Variants in KLF12 observed in about 807,000 individuals in gnomAD.
KLF12 encodes KLF transcription factor 12.
A neutral mutation model predicts 37.8 loss-of-function variants in KLF12; 9 were observed. That is an observed-to-expected ratio of 0.24 (90% CI 0.14 to 0.42). KLF12 has a LOEUF of 0.42. Among genes scored for constraint, KLF12 ranks in the 10% least tolerant of loss-of-function variants. The pLI is 1.00. For missense variants in KLF12, 411 were observed against 516.0 expected (o/e 0.80, Z 1.97); for synonymous variants, 208 against 202.1 (o/e 1.03, Z -0.25).
At chr13:74,005,108 T>A (rs1421869897) in intron 1 of KLF12, among the ~76,000 whole-genome samples, 2 of 152,218 alleles carry the variant, frequency 1.3e-5, no homozygotes, top group African/African-American at 2.4e-5. Context: ...AAAAGTAATT[T>A]ATGCATAGTT....
intron 6 of KLF12, among the ~76,000 whole-genome samples, chr13:73,751,489 A>C (rs1283023388): frequency 6.6e-6 from 1 of 152,160 alleles, no homozygotes; most frequent in Non-Finnish European, 1.5e-5. Flanking sequence ...TGTTTCAGGC[A>C]AGAGATGATG....
chr13:73,846,143 C>G lies in KLF12; in HGVS notation c.354G>C (p.Ser118=). The G allele has an allele frequency of 6.2e-7, 1 of 1,614,000 alleles. No homozygotes were observed. Among genetic ancestry groups the G allele is most frequent in the East Asian group, 2.2e-5 (1 of 44,870 alleles). The change falls in exon 4 of 8, where the codon TCG becomes TCC. Residue 118 remains serine, a synonymous_variant. Transcript: ENST00000377669. ...GGGATGAGGCTAGACGACTAGAAGA[C>G]GATGAAGAGGTTGAAGTTGAAGAAG... is the stretch of plus-strand genomic sequence containing the variant.
At chr13:74,091,231 A>C (rs1053827818) in intron 1 of KLF12, among the ~76,000 whole-genome samples, 2 of 152,216 alleles carry the variant, frequency 1.3e-5, no homozygotes, top group African/African-American at 4.8e-5. Context: ...TTAAAAATGG[A>C]TCAAAGAACA....
the KLF12 span, among the ~76,000 whole-genome samples, chr13:74,275,838 C>A: frequency 4.4e-5 from 5 of 114,058 alleles, no homozygotes; most frequent in South Asian, 1.5e-3. Flanking sequence ...TTCTTTCTTT[C>A]TTTCTTTCTT....
intron 1 of KLF12, among the ~76,000 whole-genome samples, chr13:74,027,941 A>G (rs914191204): frequency 3.3e-5 from 5 of 152,204 alleles, no homozygotes; most frequent in Non-Finnish European, 1.5e-5. Context: ...AATCCAAAAC[A>G]GTATGTCAAC....
chr13:74,013,043 T>C (rs1042997691), intron 1 of KLF12, among the ~76,000 whole-genome samples: 3 of 152,248 alleles, frequency 2.0e-5, no homozygotes, highest in African/African-American at 7.2e-5. Flanking sequence ...TAGATTTCTT[T>C]CTTCTATGTC....
At chr13:73,901,377 G>C (rs1213713353) in intron 3 of KLF12, among the ~76,000 whole-genome samples, 1 of 152,186 alleles carries the variant, frequency 6.6e-6, no homozygotes, top group Non-Finnish European at 1.5e-5. Flanking sequence ...TTAGAACACA[G>C]ATGTCTGGAG....
chr13:73,732,132 G>T (rs1877108739), intron 6 of KLF12, among the ~76,000 whole-genome samples: 1 of 147,014 alleles, frequency 6.8e-6, no homozygotes, highest in South Asian at 2.2e-4. Context: ...TGCCCAGGTT[G>T]GAGTGCAGTG....
the KLF12 span, among the ~76,000 whole-genome samples, chr13:74,155,278 T>G: frequency 6.6e-6 from 1 of 152,234 alleles, no homozygotes; most frequent in Non-Finnish European, 1.5e-5. Flanking sequence ...GTTAAAAATT[T>G]TAACACTGTT....
chr13:73,814,009 T>G (rs1883082501), intron 4 of KLF12, among the ~76,000 whole-genome samples: 1 of 151,584 alleles, frequency 6.6e-6, no homozygotes, highest in Non-Finnish European at 1.5e-5. Flanking sequence ...ACCAAGACTA[T>G]CAGATCTTTC....
At chr13:73,807,685 C>T (rs1882719275) in intron 5 of KLF12, among the ~76,000 whole-genome samples, 1 of 152,146 alleles carries the variant, frequency 6.6e-6, no homozygotes, top group Admixed American at 6.5e-5. Flanking sequence ...TAGACTACTA[C>T]TAAGCTATGG....
At chr13:73,696,436 G>T (rs752105798) in intron 7 of KLF12, among the ~76,000 whole-genome samples, 5 of 152,156 alleles carry the variant, frequency 3.3e-5, no homozygotes, top group African/African-American at 1.2e-4. Context: ...ATATGCAAAG[G>T]CTGTGCTGGG....
chr13:74,159,419 G>C, the KLF12 span, among the ~76,000 whole-genome samples: 4 of 152,060 alleles, frequency 2.6e-5, no homozygotes, highest in Admixed American at 6.5e-5. Context: ...AAAAATGTAA[G>C]AAAAATAAAT....
intron 2 of KLF12, among the ~76,000 whole-genome samples, chr13:73,991,418 G>T (rs1250316699): frequency 1.3e-5 from 2 of 152,322 alleles, no homozygotes; most frequent in East Asian, 3.9e-4. Context: ...GTCTGACTTT[G>T]TGATGTGAAA....
chr13:74,272,770 C>A, the KLF12 span, among the ~76,000 whole-genome samples: 1 of 152,076 alleles, frequency 6.6e-6, no homozygotes, highest in South Asian at 2.1e-4. Context: ...AGTGAGTGAT[C>A]TAAAGAATAT....
the KLF12 span, among the ~76,000 whole-genome samples, chr13:74,287,393 A>AGG: frequency 6.7e-6 from 1 of 149,650 alleles, no homozygotes; most frequent in East Asian, 1.9e-4. Context: ...AGAGAGAGAG[A>AGG]GAATCCACCT....
the KLF12 span, among the ~76,000 whole-genome samples, chr13:74,297,552 C>G: frequency 1.3e-5 from 2 of 152,124 alleles, no homozygotes; most frequent in East Asian, 3.9e-4. Context: ...CTGTATTTTG[C>G]CCCCTGGGCT....
At chr13:74,279,285 G>A in the KLF12 span, among the ~76,000 whole-genome samples, 1 of 152,084 alleles carries the variant, frequency 6.6e-6, no homozygotes, top group African/African-American at 2.4e-5. Flanking sequence ...TAATGCATTT[G>A]GCTCTGATCT....
At chr13:74,021,640 T>C (rs1033236989) in intron 1 of KLF12, among the ~76,000 whole-genome samples, 1 of 152,098 alleles carries the variant, frequency 6.6e-6, no homozygotes, top group Non-Finnish European at 1.5e-5. Context: ...AGTCTGTGTA[T>C]TTACATCAAG....
Sources: allele counts gnomAD v4.1 joint callset (sites outside exome capture counted in the v4.1 genomes callset), GRCh38; gene constraint gnomAD v4.1.1; transcripts MANE v1.5; gene names NCBI Gene and HGNC (gene_info 2026-07-23, HGNC 2026-07-21).